OCIAD1: variants seen among roughly 807,000 people sequenced by gnomAD.
OCIAD1 encodes the protein OCIA domain containing 1.
In OCIAD1, 29 loss-of-function variants were observed where a neutral mutation model predicts 38.9. The observed-to-expected ratio is 0.74, with a 90% CI of 0.55 to 1.02. The LOEUF is 1.02. OCIAD1 is among the 50% of genes least tolerant of loss of function. OCIAD1 has a pLI of 0.00. For missense variants in OCIAD1, 288 were observed against 289.6 expected (o/e 0.99, Z 0.04); for synonymous variants, 110 against 92.0 (o/e 1.20, Z -1.12).
chr4:48,851,280 C>T (rs1264161687), intron 6 of OCIAD1, among the ~76,000 whole-genome samples: 2 of 152,212 alleles, frequency 1.3e-5, no homozygotes, highest in Non-Finnish European at 1.5e-5. Flanking sequence ...TCCTATTTTT[C>T]TATACTGACA....
rs764710867 is a variant in OCIAD1 at position 48,850,049 on chromosome 4, G to A, written c.344G>A (p.Arg115Gln). Residue 115 changes from arginine (R) to glutamine (Q), a missense_variant, in exon 6 of 9, where the codon CGA (arginine) becomes CAA (glutamine). Physicochemically the swap from Arg to Gln is conservative, Grantham distance 43 (BLOSUM62 1). Coordinates refer to ENST00000264312, the MANE Select transcript of OCIAD1 (RefSeq NM_017830.4). ...AATTCCCCCCTTGGAGAAGCTTTAC[G>A]ATCAGGACAAGCACGACGATCTTCA... ...LENSPLGEAL[R>Q]SGQARRSSPP... 4.3e-6 allele frequency: 7 copies of A among 1,613,338 alleles called. No individual in the cohort carries two copies. The highest frequency in any genetic ancestry group is 1.1e-5 in the South Asian group (1 of 90,780).
chr4:48,819,343 A>C (rs1288711728), intron 1 of OCIAD1, among the ~76,000 whole-genome samples: 7 of 152,278 alleles, frequency 4.6e-5, no homozygotes, highest in African/African-American at 1.4e-4. Flanking sequence ...AGACAAGCAA[A>C]TGCTGAGGGA....
upstream of OCIAD1, among the ~76,000 whole-genome samples, chr4:48,826,163 T>A (rs7686648): frequency 5.6e-3 from 846 of 152,178 alleles, 8 homozygotes; most frequent in African/African-American, 0.018. Flanking sequence ...CTTTTTTTTT[T>A]AAATTATACT....
rs904793457 is a variant in OCIAD1, at chr4:48,820,395, T to C, written c.-102-10182T>C. On this transcript the variant is annotated intron_variant, in intron 1 of 6. Transcript: ENST00000504654. Reference sequence around the variant, plus strand: ...CATACTAGAATCTCTGGGACACAGCTAAAGTGGTGTTAAGAGGAAAATTTA... The same window carrying C: ...CATACTAGAATCTCTGGGACACAGCCAAAGTGGTGTTAAGAGGAAAATTTA... 6.8e-4 allele frequency among the ~76,000 whole-genome samples: 103 copies of C among 152,158 alleles called. 1 individual carries two copies. Among genetic ancestry groups the C allele is most frequent in the African/African-American group, 2.5e-3 (102 of 41,442 alleles).
rs1779301817 is a variant in OCIAD1 at position 48,850,094 on chromosome 4, T to G, written c.377+12T>G. 1.9e-6 allele frequency: 3 copies of G among 1,607,570 alleles called. No individual in the cohort carries two copies. Among genetic ancestry groups the G allele is most frequent in the Non-Finnish European group, 1.7e-6 (2 of 1,178,390 alleles). On this transcript the variant is annotated intron_variant, in intron 6 of 8. Coordinates refer to ENST00000264312, the MANE Select transcript of OCIAD1 (RefSeq NM_017830.4). The stretch of plus-strand genomic sequence containing the variant: ...TCTTCACCACCTGGGTAGGCCAGAT[T>G]CTGATCTTTACTTAAGATTTTTAAT...
In OCIAD1 at chr4:48,859,049, C is replaced by T. The variant is rs186432829; in HGVS notation, c.701-1676C>T. Among the ~76,000 whole-genome samples, 294 of 152,220 alleles carry T rather than the reference C, an allele frequency of 1.9e-3. 1 individual carries two copies. Among genetic ancestry groups the T allele is most frequent in the Non-Finnish European group, 3.1e-3 (208 of 68,004 alleles). ...AAATGGAAATAATAGGTCTTTGGTACCTTCTTGAAGGTCATATGCCACAAA... is the reference window on the plus strand; with the variant it reads ...AAATGGAAATAATAGGTCTTTGGTATCTTCTTGAAGGTCATATGCCACAAA... On this transcript the variant is annotated intron_variant, in intron 8 of 8. Coordinates refer to ENST00000264312, the MANE Select transcript of OCIAD1 (RefSeq NM_017830.4).
chr4:48,854,281 G>T (rs1779805855), intron 7 of OCIAD1, among the ~76,000 whole-genome samples: 2 of 152,176 alleles, frequency 1.3e-5, no homozygotes, highest in Admixed American at 6.5e-5. Flanking sequence ...GTGTGGATAT[G>T]CTGGACAAAG....
At chr4:48,848,567 AGTTT>A in intron 5 of OCIAD1, 121 bp downstream of exon 5, 2 of 441,104 alleles carry the variant, frequency 4.5e-6, no homozygotes, top group Non-Finnish European at 8.0e-6. Context: ...CTGATAAATC[AGTTT>A]GTTAAAGCAT....
At chr4:48,858,145 C>T (rs1780253763) in intron 8 of OCIAD1, among the ~76,000 whole-genome samples, 1 of 152,084 alleles carries the variant, frequency 6.6e-6, no homozygotes, top group Admixed American at 6.6e-5. Flanking sequence ...CGGAGCGAGG[C>T]TCTGTTCCCC....
chr4:48,831,505 C>A, intron 1 of OCIAD1: 1 of 1,290,420 alleles, frequency 7.7e-7, no homozygotes, highest in Non-Finnish European at 1.0e-6. Context: ...AGGTGGGAGA[C>A]GGACACTGGG....
chr4:48,814,644 C>T (rs374050405), intron 1 of OCIAD1, among the ~76,000 whole-genome samples: 3 of 151,862 alleles, frequency 2.0e-5, no homozygotes, highest in Admixed American at 6.6e-5. Flanking sequence ...AATAGTTTAC[C>T]GGGAATGGTT....
intron 1 of OCIAD1, among the ~76,000 whole-genome samples, chr4:48,810,279 C>T (rs374404619): frequency 1.4e-4 from 22 of 151,756 alleles, no homozygotes; most frequent in African/African-American, 4.4e-4. Context: ...ACCATCCTGG[C>T]TAACACGGTG....
At chr4:48,818,825 G>A (rs1378089806) in intron 1 of OCIAD1, among the ~76,000 whole-genome samples, 5 of 152,024 alleles carry the variant, frequency 3.3e-5, no homozygotes, top group Non-Finnish European at 7.4e-5. Flanking sequence ...AAGGATATTG[G>A]ATATTAAAGA....
chr4:48,845,571 T>G (rs1194811270), intron 4 of OCIAD1, among the ~76,000 whole-genome samples: 1 of 152,230 alleles, frequency 6.6e-6, no homozygotes, highest in Non-Finnish European at 1.5e-5. Context: ...CATTAACTCT[T>G]GGTGCTTACA....
chr4:48,806,604 T>A (rs1191468671), intron 1 of OCIAD1, among the ~76,000 whole-genome samples: 1 of 152,080 alleles, frequency 6.6e-6, no homozygotes, highest in Non-Finnish European at 1.5e-5. Context: ...CCTTTTAAAT[T>A]AACTTTTTTT....
intron 4 of OCIAD1, among the ~76,000 whole-genome samples, chr4:48,843,347 C>CT (rs968704446): frequency 1.3e-5 from 2 of 152,128 alleles, no homozygotes; most frequent in Non-Finnish European, 2.9e-5. Flanking sequence ...CATGAACTAT[C>CT]TATCTGGTAA....
At chr4:48,841,862 T>A (rs1400631263) in intron 3 of OCIAD1, among the ~76,000 whole-genome samples, 2 of 152,214 alleles carry the variant, frequency 1.3e-5, no homozygotes, top group Non-Finnish European at 2.9e-5. Context: ...CATATATATA[T>A]ATAGATGTAA....
intron 1 of OCIAD1, among the ~76,000 whole-genome samples, chr4:48,831,817 CTGAA>C (rs1225085719): frequency 6.6e-6 from 1 of 152,024 alleles, no homozygotes; most frequent in Non-Finnish European, 1.5e-5. Context: ...GGCTTATTGA[CTGAA>C]TGAATTATGG....
chr4:48,858,151 T>TC (rs34405403), intron 8 of OCIAD1, among the ~76,000 whole-genome samples: 1 of 150,858 alleles, frequency 6.6e-6, no homozygotes, highest in Admixed American at 6.6e-5. Flanking sequence ...GAGGCTCTGT[T>TC]CCCCCCTCCC....
Sources: gnomAD v4.1 joint callset for allele counts (sites outside exome capture counted in the v4.1 genomes callset) on GRCh38, gnomAD v4.1.1 for gene constraint, MANE v1.5 for transcripts, NCBI Gene and HGNC (gene_info 2026-07-23, HGNC 2026-07-21) for gene names.